The following TTC6 variants were observed in gnomAD, a reference collection of about 807,000 sequenced individuals.
TTC6 encodes tetratricopeptide repeat domain 6.
Under a neutral mutation model 210.4 loss-of-function variants are expected in TTC6, and 172 were observed. The ratio of observed to expected loss-of-function variants is 0.82; its 90% CI spans 0.72 to 0.93. The LOEUF (loss-of-function observed/expected upper bound fraction) is 0.93. TTC6 is among the 40% of genes least tolerant of loss of function. The probability of loss-of-function intolerance (pLI) is 0.00; values close to 1 mark genes in which losing one functional copy is unlikely to be tolerated. For synonymous variants in TTC6, 804 were observed against 819.6 expected (o/e 0.98, Z 0.32); for missense variants, 2,414 against 2,318.1 (o/e 1.04, Z -0.85).
intron 20 of TTC6, among the ~76,000 whole-genome samples, chr14:37,801,630 G>A (rs1399792214): frequency 6.6e-6 from 1 of 152,152 alleles, no homozygotes; most frequent in East Asian, 1.9e-4. Flanking sequence ...TTCTTATGGA[G>A]AGAGTGATGT....
chr14:37,790,095 T>C (rs2096076091), intron 15 of TTC6, among the ~76,000 whole-genome samples: 1 of 152,030 alleles, frequency 6.6e-6, no homozygotes, highest in South Asian at 2.1e-4. Context: ...GTTCTTTTTC[T>C]CCCTTCCATT....
chr14:37,794,945 A>G (rs1186398319), intron 17 of TTC6, among the ~76,000 whole-genome samples: 1 of 152,064 alleles, frequency 6.6e-6, no homozygotes, highest in Non-Finnish European at 1.5e-5. Context: ...AGGGAGAAAA[A>G]CTGGAAACTA....
chr14:37,597,039 GGGTAGAAACGTCACATCATAAGGAAA>G (rs1441128558), intron 1 of TTC6, among the ~76,000 whole-genome samples: 1 of 150,758 alleles, frequency 6.6e-6, no homozygotes, highest in East Asian at 1.9e-4. Context: ...AAGGGTGGGG[GGGTAGAAACGTCACATCATAAGGAAA>G]GGAATGAGTG....
At chr14:37,792,492 T>C in intron 17 of TTC6, 78 bp downstream of exon 19, 1 of 1,197,668 alleles carries the variant, frequency 8.3e-7, no homozygotes, top group South Asian at 2.2e-5. Context: ...AATTTTAATA[T>C]ATATACATAT....
intron 20 of TTC6, among the ~76,000 whole-genome samples, chr14:37,798,045 A>C (rs554889226): frequency 6.6e-6 from 1 of 152,186 alleles, no homozygotes; most frequent in South Asian, 2.1e-4. Flanking sequence ...ACAATGTCTT[A>C]ATTGCTATAA....
At chr14:37,829,212 G>A (rs2096179177) in intron 29 of TTC6, among the ~76,000 whole-genome samples, 1 of 151,848 alleles carries the variant, frequency 6.6e-6, no homozygotes, top group South Asian at 2.1e-4. Flanking sequence ...TTTACTTTGA[G>A]AGCTAATTTG....
At chr14:37,743,691 G>A (rs950031145) in intron 10 of TTC6, among the ~76,000 whole-genome samples, 3 of 152,192 alleles carry the variant, frequency 2.0e-5, no homozygotes, top group Non-Finnish European at 4.4e-5. Flanking sequence ...GGTGGTTCAG[G>A]AGTTAGTCTG....
At chr14:37,682,991 C>T in intron 3 of TTC6, 27 bp downstream of exon 5, 4 of 1,525,798 alleles carry the variant, frequency 2.6e-6, no homozygotes, top group Non-Finnish European at 3.5e-6. Context: ...GTTGGAAACA[C>T]CTAAGAGTTA....
chr14:37,605,811 C>T (rs1369410788), intron 1 of TTC6, among the ~76,000 whole-genome samples: 1 of 152,080 alleles, frequency 6.6e-6, no homozygotes, highest in Non-Finnish European at 1.5e-5. Context: ...ATCCTTAATT[C>T]CTGGCCAAGT....
intron 29 of TTC6, among the ~76,000 whole-genome samples, chr14:37,833,718 CT>C (rs2096191444): frequency 6.6e-6 from 1 of 152,008 alleles, no homozygotes; most frequent in African/African-American, 2.4e-5. Context: ...AATTTGGCAG[CT>C]TTCTATAATG....
intron 8 of TTC6, among the ~76,000 whole-genome samples, chr14:37,736,971 G>A (rs1021482493): frequency 2.6e-5 from 4 of 151,956 alleles, no homozygotes; most frequent in African/African-American, 9.7e-5. Flanking sequence ...TGCCCAGACT[G>A]GTCTCAAAAC....
intron 28 of TTC6, 121 bp downstream of exon 30, chr14:37,826,468 AT>A (rs1053534259): frequency 6.3e-3 from 5,685 of 898,844 alleles, no homozygotes; most frequent in South Asian, 9.3e-3. Context: ...AATGTTTTGT[AT>A]TTTTTTTTAA....
At chr14:37,688,880 A>G (rs1019787351) in intron 3 of TTC6, among the ~76,000 whole-genome samples, 1 of 152,232 alleles carries the variant, frequency 6.6e-6, no homozygotes, top group African/African-American at 2.4e-5. Flanking sequence ...TGCAATAAAT[A>G]CTTAGCTCTT....
rs1595096454 is a variant in TTC6 at position 37,680,161 on chromosome 14, T to A, written c.950T>A (p.Leu317Ter). 1.3e-6 allele frequency: 2 copies of A among 1,525,176 alleles called. No homozygotes were observed. The highest frequency in any genetic ancestry group is 4.9e-5 in the East Asian group (2 of 40,806). 94.5% of individuals were successfully genotyped at this position (1,525,176 alleles called of 1,614,324 possible). A position where few individuals can be genotyped will look rare whatever the true frequency, so the allele number is the denominator to read the frequency against. The change falls in exon 2 of 31, where the codon TTA becomes TAA. Residue 317 changes from leucine (L) to a stop codon, truncating the protein, a stop_gained. Coordinates refer to ENST00000553443, the Ensembl canonical transcript of TTC6. LOFTEE classifies it high-confidence loss of function. Reference sequence around the variant, plus strand: ...CTTTTCTCATTCAAGGATATTTCTTTAATGGGAAAAATGTACCTCAAAACA... The same window carrying A: ...CTTTTCTCATTCAAGGATATTTCTTAAATGGGAAAAATGTACCTCAAAACA...
intron 1 of TTC6, among the ~76,000 whole-genome samples, chr14:37,669,965 C>T (rs547895000): frequency 9.9e-5 from 15 of 152,046 alleles, no homozygotes; most frequent in Admixed American, 2.0e-4. Context: ...CAGATCCATA[C>T]GAGAAAAATT....
At chr14:37,707,129 T>C (rs1043191335) in intron 5 of TTC6, among the ~76,000 whole-genome samples, 1 of 152,088 alleles carries the variant, frequency 6.6e-6, no homozygotes, top group African/African-American at 2.4e-5. Context: ...AACCAACCTG[T>C]TTTTCATTTA....
intron 6 of TTC6, among the ~76,000 whole-genome samples, chr14:37,721,460 C>A (rs1322095615): frequency 1.9e-4 from 29 of 152,088 alleles, no homozygotes; most frequent in Non-Finnish European, 3.7e-4. Flanking sequence ...TTCCAAAATT[C>A]TAATTTTTGT....
chr14:37,677,813 C>T (rs1341912079), intron 1 of TTC6, among the ~76,000 whole-genome samples: 1 of 152,056 alleles, frequency 6.6e-6, no homozygotes, highest in Non-Finnish European at 1.5e-5. Flanking sequence ...TCTTTCTCTT[C>T]TGTTAATGCC....
chr14:37,812,885 A>G (rs537287059), intron 25 of TTC6, among the ~76,000 whole-genome samples: 8 of 152,326 alleles, frequency 5.3e-5, no homozygotes, highest in East Asian at 1.9e-4. Flanking sequence ...GAGTGGTGAC[A>G]GGCATTTAGA....
Sources: gnomAD v4.1 joint callset for allele counts (sites outside exome capture counted in the v4.1 genomes callset) on GRCh38, gnomAD v4.1.1 for gene constraint, MANE v1.5 for transcripts, NCBI Gene and HGNC (gene_info 2026-07-23, HGNC 2026-07-21) for gene names.